Variants in CR1 observed in about 807,000 individuals in gnomAD.
CR1 encodes complement C3b/C4b receptor 1 (Knops blood group), also known as complement receptor type 1.
Under a neutral mutation model 187.3 loss-of-function variants are expected in CR1, and 116 were observed. The observed-to-expected ratio is 0.62, with a 90% CI of 0.53 to 0.72. CR1 has a LOEUF of 0.72. Ranked by LOEUF, CR1 falls within the 30% of genes least tolerant of loss-of-function variation. The pLI, the probability that CR1 is intolerant of heterozygous loss-of-function variation, is 0.00. For missense variants in CR1, 1,731 were observed against 2,110.7 expected (o/e 0.82, Z 3.52); for synonymous variants, 576 against 747.1 (o/e 0.77, Z 3.73).
intron 33 of CR1, among the ~76,000 whole-genome samples, chr1:207,586,825 A>T (rs1299357041): frequency 6.6e-6 from 1 of 152,220 alleles, no homozygotes; most frequent in African/African-American, 2.4e-5. Flanking sequence ...ATAAAAGATG[A>T]TCTAATCTCA....
intron 35 of CR1, among the ~76,000 whole-genome samples, chr1:207,601,890 T>C (rs1211240696): frequency 6.6e-6 from 1 of 152,144 alleles, no homozygotes; most frequent in Non-Finnish European, 1.5e-5. Flanking sequence ...GGTGGTATCT[T>C]TTGTTCTTGA....
chr1:207,594,104 T>C (rs143616521), intron 35 of CR1, among the ~76,000 whole-genome samples: 30,769 of 152,112 alleles, frequency 0.2, 3,407 homozygotes, highest in South Asian at 0.44. Context: ...CATTACTGAG[T>C]ATATACCCAA....
intron 4 of CR1, among the ~76,000 whole-genome samples, chr1:207,522,321 G>A (rs1307305229): frequency 6.6e-6 from 1 of 152,176 alleles, no homozygotes; most frequent in Non-Finnish European, 1.5e-5. Context: ...CAGTCTCTGA[G>A]ACAGCAAATT....
At chr1:207,633,730 G>A (rs1211015531) in intron 46 of CR1, among the ~76,000 whole-genome samples, 1 of 152,166 alleles carries the variant, frequency 6.6e-6, no homozygotes, top group Non-Finnish European at 1.5e-5. Context: ...AACTGAGCAC[G>A]TTAATCAATT....
At chr1:207,629,202 C>T (rs1662573736) in intron 45 of CR1, among the ~76,000 whole-genome samples, 1 of 152,150 alleles carries the variant, frequency 6.6e-6, no homozygotes, top group South Asian at 2.1e-4. Context: ...ACAAAACAGC[C>T]TTGTACACAG....
intron 39 of CR1, among the ~76,000 whole-genome samples, chr1:207,613,020 C>G (rs1661980842): frequency 2.0e-5 from 3 of 152,232 alleles, no homozygotes. Flanking sequence ...TCCGCTGCTG[C>G]TTCCTTTCGC....
chr1:207,619,299 C>T (rs1440853074), intron 42 of CR1, among the ~76,000 whole-genome samples: 1 of 146,720 alleles, frequency 6.8e-6, no homozygotes, highest in African/African-American at 2.5e-5. Flanking sequence ...AGGAGAATTG[C>T]TTGAACCCAG....
At chr1:207,621,371 G>T (rs868148665) in intron 43 of CR1, among the ~76,000 whole-genome samples, 3 of 152,132 alleles carry the variant, frequency 2.0e-5, no homozygotes, top group African/African-American at 7.2e-5. Context: ...TGTGTTGAAG[G>T]TACTATTGTA....
At chr1:207,498,967 A>G (rs1188055870) in intron 1 of CR1, among the ~76,000 whole-genome samples, 1 of 151,770 alleles carries the variant, frequency 6.6e-6, no homozygotes, top group African/African-American at 2.4e-5. Context: ...AACAGAGAAC[A>G]AGAGAAAAAA....
At chr1:207,497,040 G>A (rs1227655098) in intron 1 of CR1, among the ~76,000 whole-genome samples, 2 of 152,066 alleles carry the variant, frequency 1.3e-5, no homozygotes, top group Non-Finnish European at 2.9e-5. Context: ...AACTGTCCTC[G>A]CCCCCCACAC....
intron 5 of CR1, among the ~76,000 whole-genome samples, chr1:207,525,262 T>C (rs3860292): frequency 0.41 from 61,379 of 150,762 alleles, 16,689 homozygotes; most frequent in African/African-American, 0.77. Context: ...TAGAGCCAAA[T>C]CATATCGCAG....
chr1:207,617,575 G>GTATATATA (rs1662159480), intron 41 of CR1, among the ~76,000 whole-genome samples: 2 of 44,672 alleles, frequency 4.5e-5, no homozygotes, highest in African/African-American at 2.7e-4. Flanking sequence ...ATATGTGTGT[G>GTATATATA]TGTATATATA....
At chr1:207,623,186 T>C in intron 45 of CR1, 118 bp downstream of exon 45, 1 of 702,190 alleles carries the variant, frequency 1.4e-6, no homozygotes, top group Non-Finnish European at 2.4e-6. Flanking sequence ...GTAATTCTTA[T>C]AAAGAAAGTC....
chr1:207,577,689 G>A (rs1571550696), intron 28 of CR1, 116 bp from the exon 29 acceptor site: 1 of 1,496,026 alleles, frequency 6.7e-7, no homozygotes. Context: ...AGGATTGCTT[G>A]ACCTGGGAAG....
chr1:207,581,285 T>TGTATACGTATACATATGGACACGTATAC (rs1558245584), intron 31 of CR1, among the ~76,000 whole-genome samples: 35 of 138,788 alleles, frequency 2.5e-4, no homozygotes, highest in African/African-American at 9.3e-4. Context: ...GACACGTATA[T>TGTATACGTATACATATGGACACGTATAC]GTATACGTAT....
At chr1:207,500,106 G>A (rs1659220363) in intron 1 of CR1, among the ~76,000 whole-genome samples, 1 of 152,200 alleles carries the variant, frequency 6.6e-6, no homozygotes, top group Non-Finnish European at 1.5e-5. Flanking sequence ...CATGAAGACT[G>A]TCGAAATAAG....
At chr1:207,623,181 T>A (rs1193470562) in intron 45 of CR1, 113 bp downstream of exon 45, 3 of 731,382 alleles carry the variant, frequency 4.1e-6, no homozygotes, top group Admixed American at 2.8e-5. Context: ...ATGTGGTAAT[T>A]CTTATAAAGA....
intron 24 of CR1, among the ~76,000 whole-genome samples, chr1:207,567,227 GAC>G (rs1423767710): frequency 6.8e-6 from 1 of 147,912 alleles, no homozygotes; most frequent in African/African-American, 2.6e-5. Context: ...AACAGACCTA[GAC>G]ATTTTCAAAA....
At chr1:207,628,200 T>C (rs11580627) in intron 45 of CR1, among the ~76,000 whole-genome samples, 3,239 of 152,272 alleles carry the variant, frequency 0.021, 65 homozygotes, top group Non-Finnish European at 0.029. Context: ...CCATTTCCTC[T>C]GCACCCTCCA....
Sources: allele counts gnomAD v4.1 joint callset (sites outside exome capture counted in the v4.1 genomes callset), GRCh38; gene constraint gnomAD v4.1.1; transcripts MANE v1.5; gene names NCBI Gene and HGNC (gene_info 2026-07-23, HGNC 2026-07-21).